Variants in NRK observed in about 807,000 individuals in gnomAD.
NRK encodes the protein Nik related kinase.
In NRK, 67 loss-of-function variants were observed where a neutral mutation model predicts 125.2. The observed-to-expected ratio is 0.54, with a 90% CI of 0.44 to 0.66. The LOEUF (loss-of-function observed/expected upper bound fraction) is 0.66. Ranked by LOEUF, NRK falls within the 30% of genes least tolerant of loss-of-function variation. NRK has a pLI of 0.00. For synonymous variants in NRK, 458 were observed against 429.0 expected, an observed-to-expected ratio of 1.07 and a Z score of -0.84; for missense variants, 1,224 against 1,192.9, an observed-to-expected ratio of 1.03 and a Z score of -0.38.
chrX:105,870,503 C>T (rs1346613982), intron 2 of NRK, among the ~76,000 whole-genome samples: 1 of 111,822 alleles, frequency 8.9e-6, no homozygotes, highest in African/African-American at 3.2e-5. Context: ...GCAGTCTTTC[C>T]TTAGTTGCCT....
intron 7 of NRK, among the ~76,000 whole-genome samples, chrX:105,896,374 C>T (rs549592168): frequency 1.8e-5 from 2 of 111,563 alleles, no homozygotes; most frequent in South Asian, 7.4e-4. Context: ...ATAGATAGAA[C>T]AAGAGTAGAG....
chrX:105,879,520 T>G (rs775718123), intron 2 of NRK, among the ~76,000 whole-genome samples: 2 of 111,228 alleles, frequency 1.8e-5, no homozygotes, highest in South Asian at 7.6e-4. Flanking sequence ...TAGGGTAAGA[T>G]CTAAGCTCTT....
intron 2 of NRK, among the ~76,000 whole-genome samples, chrX:105,870,167 C>A (rs920472651): frequency 9.0e-6 from 1 of 111,084 alleles, no homozygotes; most frequent in Non-Finnish European, 1.9e-5. Context: ...TATTGTCATT[C>A]GGAGGGAAAA....
intron 21 of NRK, among the ~76,000 whole-genome samples, 175 bp downstream of exon 21, chrX:105,935,500 A>G (rs2040651473): frequency 9.1e-6 from 1 of 109,960 alleles, no homozygotes; most frequent in African/African-American, 3.3e-5. Context: ...GTGCAGTTTG[A>G]TGTTTGAATT....
intron 18 of NRK, 87 bp downstream of exon 18, chrX:105,923,569 C>A: frequency 1.7e-6 from 1 of 591,557 alleles, no homozygotes; most frequent in Non-Finnish European, 2.5e-6. Flanking sequence ...AATTTATTAC[C>A]AAGAGAGTGA....
At chrX:105,906,764 CGT>C (rs61655627) in intron 11 of NRK, among the ~76,000 whole-genome samples, 175 bp downstream of exon 11, 7,366 of 87,317 alleles carry the variant, frequency 0.084, 573 homozygotes, top group African/African-American at 0.24. Context: ...TTTTCTCTTG[CGT>C]GTGTGTGTGT....
chrX:105,867,385 T>A (rs1348560049), intron 2 of NRK, among the ~76,000 whole-genome samples: 2 of 111,394 alleles, frequency 1.8e-5, no homozygotes, highest in Non-Finnish European at 3.8e-5. Context: ...CTTGCTAAGG[T>A]TATAGATAGA....
chrX:105,831,184 A>G, intron 2 of NRK, 65 bp downstream of exon 2: 1 of 709,388 alleles, frequency 1.4e-6, no homozygotes, highest in Non-Finnish European at 2.2e-6. Flanking sequence ...TGTGAGTCAG[A>G]CACTGCAAAT....
intron 3 of NRK, among the ~76,000 whole-genome samples, chrX:105,881,342 G>A (rs769172280): frequency 5.8e-4 from 64 of 111,182 alleles, no homozygotes; most frequent in Non-Finnish European, 1.1e-3. Context: ...TAACTTAAGA[G>A]ACCTTGACAT....
At chrX:105,889,732 C>T (rs1304804194) in intron 5 of NRK, among the ~76,000 whole-genome samples, 1 of 112,542 alleles carries the variant, frequency 8.9e-6, no homozygotes. Context: ...TCTGAAACAA[C>T]AGCCCAAGCT....
At chrX:105,838,342 G>T (rs1198684531) in intron 2 of NRK, among the ~76,000 whole-genome samples, 1 of 111,133 alleles carries the variant, frequency 9.0e-6, no homozygotes, top group African/African-American at 3.3e-5. Context: ...TGTAAAACTG[G>T]GTAGCTGGTA....
At chrX:105,853,203 G>A (rs2039493760) in intron 2 of NRK, among the ~76,000 whole-genome samples, 1 of 111,910 alleles carries the variant, frequency 8.9e-6, no homozygotes, top group Non-Finnish European at 1.9e-5. Context: ...CCAGAAACTT[G>A]TTAGAAATGC....
chrX:105,923,915 ATATATATATATG>A (rs1330537835), intron 18 of NRK, among the ~76,000 whole-genome samples: 28 of 89,831 alleles, frequency 3.1e-4, no homozygotes, highest in South Asian at 1.0e-3. Flanking sequence ...ATATATATAT[ATATATATATATG>A]TGAAATTTAA....
chrX:105,874,708 C>A (rs1325423740), intron 2 of NRK, among the ~76,000 whole-genome samples: 1 of 111,623 alleles, frequency 9.0e-6, no homozygotes, highest in Non-Finnish European at 1.9e-5. Flanking sequence ...GCAACATATT[C>A]TTTTCGTAGG....
intron 1 of NRK, 107 bp from the exon 2 acceptor site, chrX:105,830,947 G>T (rs1302951058): frequency 2.2e-5 from 11 of 494,231 alleles, no homozygotes; most frequent in Non-Finnish European, 3.7e-5. Context: ...TCTGCACGTT[G>T]TGCACATGTA....
At chrX:105,875,730 T>C (rs1174685713) in intron 2 of NRK, among the ~76,000 whole-genome samples, 1 of 110,681 alleles carries the variant, frequency 9.0e-6, no homozygotes, top group Non-Finnish European at 1.9e-5. Context: ...TAAGTGAAGA[T>C]GATAGACTTC....
chrX:105,905,760 G>A (rs1331004493), intron 10 of NRK, among the ~76,000 whole-genome samples: 1 of 112,265 alleles, frequency 8.9e-6, no homozygotes, highest in Admixed American at 9.4e-5. Flanking sequence ...TTACATGCCA[G>A]CTAAACTTGG....
At chrX:105,877,657 C>T (rs901426383) in intron 2 of NRK, among the ~76,000 whole-genome samples, 2 of 111,102 alleles carry the variant, frequency 1.8e-5, no homozygotes, top group Admixed American at 9.6e-5. Flanking sequence ...ATATGCCAGA[C>T]TTCTATGGAG....
In NRK at chrX:105,956,535, G is replaced by A. The variant is rs2040980042; in HGVS notation, c.*935G>A. 5 of 111,791 alleles carry A rather than the reference G, an allele frequency of 4.5e-5. No individual in the cohort carries two copies. The allele number at this position is 111,791 out of a possible 1,213,427, so 9.2% of individuals were successfully genotyped here. A position where few individuals can be genotyped will look rare whatever the true frequency, so the allele number is the denominator to read the frequency against. On this transcript the variant is annotated 3_prime_UTR_variant, in exon 29 of 29. Coordinates refer to ENST00000243300, the MANE Select transcript of NRK (RefSeq NM_198465.4). ...CAATCCAAGATTAGACTACACAAAA[G>A]CTTCCTTCCAGTATTAAACAAAAAG...
Sources: allele counts gnomAD v4.1 joint callset (sites outside exome capture counted in the v4.1 genomes callset), GRCh38; gene constraint gnomAD v4.1.1; transcripts MANE v1.5; gene names NCBI Gene and HGNC (gene_info 2026-07-23, HGNC 2026-07-21).